The following WASHC5 variants were observed in gnomAD, a reference collection of about 807,000 sequenced individuals.
WASHC5 encodes the protein WASH complex subunit strumpellin.
Under a neutral mutation model 150.4 loss-of-function variants are expected in WASHC5, and 101 were observed. The ratio of observed to expected loss-of-function variants is 0.67; its 90% CI spans 0.57 to 0.79. The LOEUF is 0.79. WASHC5 is among the 30% of genes least tolerant of loss of function. The pLI, the probability that WASHC5 is intolerant of heterozygous loss-of-function variation, is 0.00. For missense variants in WASHC5, 1,195 were observed against 1,396.3 expected, an observed-to-expected ratio of 0.86 and a Z score of 2.30; for synonymous variants, 467 against 491.2, an observed-to-expected ratio of 0.95 and a Z score of 0.65.
chr8:125,065,327 T>C lies in WASHC5; in HGVS notation c.1279-1676A>G, dbSNP rs115100856. ...TTCTTTGAGCAATTTGTATTGGGTA[T>C]TTTTTTTTTCTTTTTACCAGAGCTT... On this transcript the variant is annotated intron_variant, in intron 10 of 28. Coordinates refer to ENST00000318410, the MANE Select transcript of WASHC5 (RefSeq NM_014846.4). 1.9e-3 allele frequency among the ~76,000 whole-genome samples: 280 copies of C among 150,150 alleles called. 1 individual carries two copies. Among genetic ancestry groups the C allele is most frequent in the African/African-American group, 6.3e-3 (256 of 40,892 alleles).
chr8:125,071,500 C>G (rs1816894744), intron 9 of WASHC5, among the ~76,000 whole-genome samples: 1 of 152,188 alleles, frequency 6.6e-6, no homozygotes, highest in African/African-American at 2.4e-5. Flanking sequence ...TCTGTACTTT[C>G]AAAATCGTAT....
At chr8:125,043,780 T>C in intron 23 of WASHC5, 45 bp downstream of exon 23, 1 of 1,380,712 alleles carries the variant, frequency 7.2e-7, no homozygotes, top group Non-Finnish European at 1.0e-6. Context: ...ATAAAAAATT[T>C]AAAAATGTAA....
At chr8:125,051,642 CT>C (rs369525264) in intron 17 of WASHC5, among the ~76,000 whole-genome samples, 4 of 152,190 alleles carry the variant, frequency 2.6e-5, no homozygotes, top group African/African-American at 9.7e-5. Flanking sequence ...AATCCCAGCT[CT>C]TTGGAAAGCT....
chr8:125,039,906 C>A lies in WASHC5; in HGVS notation c.2851-8G>T, dbSNP rs1342687676. ...AATCTGCATCTGCCCAACCTGTGCA[C>A]AAGCAAGAGAAAGAACAGGTAGTGC... On this transcript the variant is annotated splice_region_variant and splice_polypyrimidine_tract_variant and intron_variant, in intron 23 of 28. Coordinates refer to ENST00000318410, the MANE Select transcript of WASHC5 (RefSeq NM_014846.4). 6.3e-7 allele frequency: 1 copy of A among 1,593,292 alleles called. No homozygotes were observed. The highest frequency in any genetic ancestry group is 8.6e-7 in the Non-Finnish European group (1 of 1,162,050).
intron 19 of WASHC5, among the ~76,000 whole-genome samples, chr8:125,047,803 G>A (rs1308345809): frequency 6.6e-6 from 1 of 152,014 alleles, no homozygotes; most frequent in Non-Finnish European, 1.5e-5. Flanking sequence ...ACCTGCCTCG[G>A]CCTTTCAAAG....
intron 20 of WASHC5, among the ~76,000 whole-genome samples, chr8:125,046,368 A>G (rs942440390): frequency 6.6e-6 from 1 of 152,192 alleles, no homozygotes; most frequent in Non-Finnish European, 1.5e-5. Context: ...GTGCTCACCT[A>G]AAATATTCTC....
At chr8:125,043,673 T>C (rs918888544) in intron 23 of WASHC5, 152 bp downstream of exon 23, 1 of 663,594 alleles carries the variant, frequency 1.5e-6, no homozygotes, top group Non-Finnish European at 2.7e-6. Flanking sequence ...ATAAACAAAA[T>C]GAATTTTAAA....
intron 6 of WASHC5, among the ~76,000 whole-genome samples, chr8:125,078,488 G>C (rs576577088): frequency 2.2e-4 from 33 of 152,294 alleles, no homozygotes; most frequent in African/African-American, 7.7e-4. Flanking sequence ...ACCATTTCTT[G>C]AATGAATGAC....
intron 20 of WASHC5, 147 bp from the exon 21 acceptor site, chr8:125,044,845 A>C: frequency 1.2e-6 from 1 of 826,452 alleles, no homozygotes. Flanking sequence ...CAGGCACCCA[A>C]TGCGTCTTCC....
rs1254133596 is a variant in WASHC5, at chr8:125,076,729, T to C, written c.712-229A>G. ...TTCTTCCAGCCCTTGACCGCTGCAATTCTAAGTCTTTTCTTAAAAAAAAAA... is the reference window on the plus strand; with the variant it reads ...TTCTTCCAGCCCTTGACCGCTGCAACTCTAAGTCTTTTCTTAAAAAAAAAA... On this transcript the variant is annotated intron_variant, in intron 6 of 28. Transcript: ENST00000318410. 2.2e-5 allele frequency among the ~76,000 whole-genome samples: 3 copies of C among 133,892 alleles called. No individual in the cohort carries two copies. In the East Asian group the frequency reaches 6.4e-4, roughly 29 times the overall value. The allele number at this position is 133,892 out of a possible 152,430, so 87.8% of individuals were successfully genotyped here. A position where few individuals can be genotyped will look rare whatever the true frequency, so the allele number is the denominator to read the frequency against.
Position 125,038,921 on chromosome 8 carries a change from G to A in WASHC5, c.2993C>T (p.Pro998Leu), listed in dbSNP as rs1223248967. The A allele has an allele frequency of 2.5e-6, 4 of 1,614,004 alleles. No individual in the cohort carries two copies. The highest frequency in any genetic ancestry group is 3.4e-6 in the Non-Finnish European group (4 of 1,179,866). ...ATCTTCTTTGGGGTAAGGAAGTGAA[G>A]GGTCCTGATAGTGGGCTTCAATGTC... ...LADIEAHYQD[P>L]SLPYPKEDNT... The change falls in exon 25 of 29, where the codon CCT becomes CTT. Residue 998 changes from proline (P) to leucine (L), a missense_variant. Physicochemically the swap from Pro to Leu is moderately conservative, Grantham distance 98 (BLOSUM62 -3). Around this residue, in one of 3 missense-constraint regions of WASHC5, gnomAD observed 997 missense variants for 1,168.1 expected, o/e 0.85. Transcript: ENST00000318410.
At chr8:125,039,733 G>A (rs1220350363) in intron 24 of WASHC5, 62 bp downstream of exon 24, 2 of 1,077,526 alleles carry the variant, frequency 1.9e-6, no homozygotes, top group African/African-American at 1.5e-5. Context: ...TGAAGAAACT[G>A]GGGTGCGTAG....
At chr8:125,068,416 TG>T (rs1816810265) in intron 9 of WASHC5, among the ~76,000 whole-genome samples, 1 of 152,210 alleles carries the variant, frequency 6.6e-6, no homozygotes, top group South Asian at 2.1e-4. Flanking sequence ...CATGACTCAC[TG>T]CTGGGGGAAT....
intron 26 of WASHC5, 110 bp from the exon 27 acceptor site, chr8:125,032,504 AGAT>A: frequency 8.1e-7 from 1 of 1,235,378 alleles, no homozygotes; most frequent in Non-Finnish European, 1.2e-6. Context: ...TCTCGCTGGC[AGAT>A]GATATTTTGG....
chr8:125,086,594 G>C lies in WASHC5; in HGVS notation c.-124-2572C>G, dbSNP rs117650214. ...TCACATTCTGAGCTACTGAGTGTTA[G>C]GAATTCAACATATAAATTTTGGGGG... On this transcript the variant is annotated intron_variant, in intron 1 of 28. Coordinates refer to ENST00000318410, the MANE Select transcript of WASHC5 (RefSeq NM_014846.4). Among the ~76,000 whole-genome samples the C allele has an allele frequency of 4.9e-3, 745 of 152,298 alleles. 11 individuals carry two copies. Among genetic ancestry groups the C allele is most frequent in the East Asian group, 0.028 (144 of 5,178 alleles).
intron 15 of WASHC5, 104 bp downstream of exon 15, chr8:125,057,452 G>T: frequency 1.3e-6 from 1 of 795,730 alleles, no homozygotes; most frequent in Admixed American, 2.1e-5. Context: ...ATTTTTAAAA[G>T]GGAAAGAGAC....
chr8:125,088,043 G>A (rs975526322), intron 1 of WASHC5, among the ~76,000 whole-genome samples: 3 of 152,268 alleles, frequency 2.0e-5, no homozygotes, highest in East Asian at 3.9e-4. Flanking sequence ...TCTGGGTATG[G>A]TCAGCAGCTT....
Position 125,025,298 on chromosome 8 carries a change from G to A in WASHC5, c.3424-625C>T, listed in dbSNP as rs565249384. 1.6e-3 allele frequency among the ~76,000 whole-genome samples: 251 copies of A among 152,290 alleles called. 1 individual carries two copies. The highest frequency in any genetic ancestry group is 5.8e-3 in the African/African-American group (243 of 41,564). ...TAAAGGTATAACCTGCTAATGAGAGGAAATTTAGCAAATGCAGAAGAGTAT... is the reference window on the plus strand; with the variant it reads ...TAAAGGTATAACCTGCTAATGAGAGAAAATTTAGCAAATGCAGAAGAGTAT... On this transcript the variant is annotated intron_variant, in intron 28 of 28. Transcript: ENST00000318410.
chr8:125,076,624 C>T, intron 6 of WASHC5, 124 bp from the exon 7 acceptor site: 3 of 1,067,790 alleles, frequency 2.8e-6, no homozygotes, highest in Non-Finnish European at 4.2e-6. Context: ...TTTCAGGATC[C>T]TGGACACTGG....
Sources: gnomAD v4.1 joint callset for allele counts (sites outside exome capture counted in the v4.1 genomes callset) on GRCh38, gnomAD v4.1.1 for gene constraint, gnomAD v4.1.1 regional missense constraint, MANE v1.5 for transcripts, NCBI Gene and HGNC (gene_info 2026-07-23, HGNC 2026-07-21) for gene names.